Variants in RYR3 observed in about 807,000 individuals in gnomAD.
The protein encoded by RYR3 is brain ryanodine receptor-calcium release channel.
RYR3 carries 207 observed loss-of-function variants against 584.3 expected under a neutral mutation model. The observed-to-expected ratio is 0.35, with a 90% CI of 0.32 to 0.40. RYR3 has a LOEUF of 0.40. Among genes scored for constraint, RYR3 ranks in the 10% least tolerant of loss-of-function variants. RYR3 has a pLI of 1.00. For synonymous variants in RYR3, 2,416 were observed against 2,248.5 expected (o/e 1.07, Z -2.11); for missense variants, 5,616 against 6,089.2 (o/e 0.92, Z 2.59).
At chr15:33,746,819 T>C (rs2070765022) in intron 53 of RYR3, among the ~76,000 whole-genome samples, 6 of 111,016 alleles carry the variant, frequency 5.4e-5, no homozygotes, top group Admixed American at 8.8e-5. Flanking sequence ...TTTTTTTTTT[T>C]CTCTTTTGAG....
At position 33,735,020 on chromosome 15, in the gene RYR3, A is replaced by T. The variant is rs1318380699; in HGVS notation, c.7425-1215A>T. On this transcript the variant is annotated intron_variant, in intron 48 of 103. Coordinates refer to ENST00000634891, the MANE Select transcript of RYR3 (RefSeq NM_001036.6). Reference sequence around the variant, plus strand: ...AATTGGAATTTTACATCAAACAAAAAGTAGAGCTCACAGCCCCTATTACTG... The same window carrying T: ...AATTGGAATTTTACATCAAACAAAATGTAGAGCTCACAGCCCCTATTACTG... Among the ~76,000 whole-genome samples, 3 of 49,840 alleles carry T rather than the reference A, an allele frequency of 6.0e-5. No individual in the cohort carries two copies. In the East Asian group the frequency reaches 1.8e-3, roughly 30 times the overall value. The allele number at this position is 49,840 out of a possible 152,430, so 32.7% of individuals were successfully genotyped here.
chr15:33,397,798 G>A (rs953338077), intron 1 of RYR3, among the ~76,000 whole-genome samples: 7 of 152,098 alleles, frequency 4.6e-5, no homozygotes, highest in African/African-American at 1.7e-4. Flanking sequence ...CCACTGAGAG[G>A]CTATTCTGTC....
chr15:33,691,894 T>G (rs554164955), intron 38 of RYR3, among the ~76,000 whole-genome samples: 1 of 152,358 alleles, frequency 6.6e-6, no homozygotes, highest in African/African-American at 2.4e-5. Context: ...TTACTCAGCA[T>G]TGCTTTTGCA....
intron 14 of RYR3, among the ~76,000 whole-genome samples, 191 bp downstream of exon 14, chr15:33,581,834 A>G (rs2058609719): frequency 6.6e-6 from 1 of 152,202 alleles, no homozygotes; most frequent in Non-Finnish European, 1.5e-5. Context: ...CAGTGGAAGC[A>G]GATGATAATC....
At chr15:33,807,902 A>C in intron 70 of RYR3, 1 of 339,002 alleles carries the variant, frequency 2.9e-6, no homozygotes, top group Non-Finnish European at 5.4e-6. Flanking sequence ...CCAGGGGACT[A>C]CTCCTCGTGG....
intron 1 of RYR3, among the ~76,000 whole-genome samples, chr15:33,457,692 A>T (rs2047672699): frequency 6.6e-6 from 1 of 152,216 alleles, no homozygotes; most frequent in South Asian, 2.1e-4. Flanking sequence ...ACAATATCGT[A>T]TACTTTAAAA....
chr15:33,323,385 G>T (rs1444444139), intron 1 of RYR3, among the ~76,000 whole-genome samples: 1 of 152,098 alleles, frequency 6.6e-6, no homozygotes, highest in East Asian at 1.9e-4. Flanking sequence ...TGGGATTACA[G>T]GCGTGAGCCA....
At chr15:33,423,722 T>C (rs1271488366) in intron 1 of RYR3, among the ~76,000 whole-genome samples, 1 of 152,184 alleles carries the variant, frequency 6.6e-6, no homozygotes, top group African/African-American at 2.4e-5. Flanking sequence ...TGTGCTCTTA[T>C]GCACCCTGGA....
chr15:33,596,893 A>T (rs2059404332), intron 16 of RYR3, among the ~76,000 whole-genome samples: 1 of 152,132 alleles, frequency 6.6e-6, no homozygotes, highest in Non-Finnish European at 1.5e-5. Flanking sequence ...TTAACCTGCA[A>T]GCTGTCCTTG....
intron 32 of RYR3, among the ~76,000 whole-genome samples, chr15:33,659,240 T>A (rs543426226): frequency 8.5e-5 from 13 of 152,282 alleles, no homozygotes; most frequent in African/African-American, 3.1e-4. Flanking sequence ...CCATGGGATC[T>A]CCATGGGCTT....
chr15:33,617,649 C>G (rs1450148686), intron 19 of RYR3, among the ~76,000 whole-genome samples: 19 of 152,036 alleles, frequency 1.2e-4, no homozygotes, highest in Admixed American at 1.2e-3. Flanking sequence ...GTCCTGTTTC[C>G]TCCTGTTTAA....
chr15:33,356,760 A>G (rs1974038287), intron 1 of RYR3, among the ~76,000 whole-genome samples: 1 of 152,160 alleles, frequency 6.6e-6, no homozygotes, highest in South Asian at 2.1e-4. Context: ...TGTGTGTGCC[A>G]TTTAGTAAGG....
intron 67 of RYR3, among the ~76,000 whole-genome samples, chr15:33,791,558 T>G (rs983897449): frequency 6.0e-5 from 9 of 150,550 alleles, no homozygotes; most frequent in Non-Finnish European, 1.3e-4. Flanking sequence ...CCAGGGAGAG[T>G]GGAAGAATAG....
Position 33,637,837 on chromosome 15 carries a change from A to G in RYR3, c.3556+1287A>G, listed in dbSNP as rs531016386. The stretch of plus-strand genomic sequence containing the variant: ...ATTATTATACTTTAAGTTTTAGGGT[A>G]CATGTGCACAACGTGCAGGTTTGTT... On this transcript the variant is annotated intron_variant, in intron 27 of 103. Transcript: ENST00000634891. Among the ~76,000 whole-genome samples, 95 of 152,244 alleles carry G rather than the reference A, an allele frequency of 6.2e-4. 1 individual carries two copies. The South Asian group carries it at 0.02, about 32-fold the overall frequency.
chr15:33,461,412 C>G (rs980365045), intron 1 of RYR3, among the ~76,000 whole-genome samples: 2 of 152,126 alleles, frequency 1.3e-5, no homozygotes, highest in African/African-American at 2.4e-5. Context: ...TGGATAGTGT[C>G]TGGTTTTGAT....
At chr15:33,478,820 C>G (rs879505313) in intron 2 of RYR3, among the ~76,000 whole-genome samples, 7 of 152,158 alleles carry the variant, frequency 4.6e-5, no homozygotes, top group Non-Finnish European at 7.3e-5. Context: ...AATATGAGAA[C>G]TATTTTTTGT....
chr15:33,620,347 C>T (rs1421260616), intron 19 of RYR3, among the ~76,000 whole-genome samples: 2 of 152,154 alleles, frequency 1.3e-5, no homozygotes, highest in Admixed American at 1.3e-4. Context: ...TTCTCCCTTT[C>T]TCCCTAAAAG....
At chr15:33,733,701 A>C (rs2069157036) in intron 48 of RYR3, among the ~76,000 whole-genome samples, 1 of 152,216 alleles carries the variant, frequency 6.6e-6, no homozygotes, top group African/African-American at 2.4e-5. Flanking sequence ...AATGTACAAC[A>C]CCAAGAGTGA....
intron 2 of RYR3, among the ~76,000 whole-genome samples, chr15:33,481,182 A>G (rs2049928593): frequency 6.6e-6 from 1 of 152,048 alleles, no homozygotes; most frequent in African/African-American, 2.4e-5. Flanking sequence ...TTTTTACCTT[A>G]TGTATGTATT....
Sources: gnomAD v4.1 joint callset for allele counts (sites outside exome capture counted in the v4.1 genomes callset) on GRCh38, gnomAD v4.1.1 for gene constraint, MANE v1.5 for transcripts, NCBI Gene and HGNC (gene_info 2026-07-23, HGNC 2026-07-21) for gene names.